PECAM1: variants seen among roughly 807,000 people sequenced by gnomAD.
PECAM1 encodes platelet endothelial cell adhesion molecule.
PECAM1 carries 8 observed loss-of-function variants against 13.8 expected under a neutral mutation model. The ratio of observed to expected loss-of-function variants is 0.58; its 90% CI spans 0.34 to 1.05. The LOEUF is 1.05. Among genes scored for constraint, PECAM1 ranks in the 50% least tolerant of loss-of-function variants. PECAM1 has a pLI of 0.03. For missense variants in PECAM1, 304 were observed against 141.2 expected (o/e 2.15, Z -5.84); for synonymous variants, 136 against 52.6 (o/e 2.58, Z -6.86).
chr17:64,375,992 G>A (rs1017599483), intron 3 of PECAM1, among the ~76,000 whole-genome samples: 18 of 152,050 alleles, frequency 1.2e-4, no homozygotes, highest in Admixed American at 2.0e-4. Flanking sequence ...TACACTGCTC[G>A]GGTGATGGGT....
intron 15 of PECAM1, 154 bp from the exon 16 acceptor site, chr17:64,323,999 T>C: frequency 1.2e-6 from 1 of 845,992 alleles, no homozygotes; most frequent in Admixed American, 1.7e-5. Flanking sequence ...GTTCTCTCTG[T>C]GACTTCAGAG....
chr17:64,333,080 G>A (rs2143695809), intron 14 of PECAM1, among the ~76,000 whole-genome samples: 1 of 152,312 alleles, frequency 6.6e-6, no homozygotes, highest in African/African-American at 2.4e-5. Context: ...TTGGACCCAG[G>A]AGGCGATTGT....
At position 64,365,069 on chromosome 17, in the gene PECAM1, A is replaced by C. The variant is rs2036072831; in HGVS notation, c.968-1672T>G. On this transcript the variant is annotated intron_variant, in intron 5 of 15. Transcript: ENST00000563924. ...AGATGACATGATTGGATATCTAGAA[A>C]ACCCCATTGTCTCAGCCCAAAATCT... 5.3e-5 allele frequency among the ~76,000 whole-genome samples: 8 copies of C among 151,934 alleles called. No homozygotes were observed. The South Asian group carries it at 1.7e-3, about 32-fold the overall frequency.
intron 5 of PECAM1, among the ~76,000 whole-genome samples, chr17:64,368,945 T>TTTTTTTC: frequency 8.5e-6 from 1 of 117,666 alleles, no homozygotes; most frequent in African/African-American, 3.2e-5. Flanking sequence ...TTTTTTTTTT[T>TTTTTTTC]TTTTTTTTTG....
chr17:64,362,081 C>T (rs2035995842), intron 6 of PECAM1, among the ~76,000 whole-genome samples: 1 of 152,186 alleles, frequency 6.6e-6, no homozygotes, highest in Non-Finnish European at 1.5e-5. Context: ...GTGACAGTGA[C>T]AACTTGACTG....
intron 2 of PECAM1, among the ~76,000 whole-genome samples, chr17:64,388,333 G>C (rs1431044048): frequency 2.0e-5 from 3 of 152,090 alleles, no homozygotes; most frequent in Non-Finnish European, 4.4e-5. Context: ...AGTGGACAAA[G>C]GGAGAGTGGG....
At chr17:64,336,459 T>C (rs2035278370) in intron 14 of PECAM1, among the ~76,000 whole-genome samples, 1 of 152,046 alleles carries the variant, frequency 6.6e-6, no homozygotes, top group Admixed American at 6.6e-5. Flanking sequence ...GGAGGGAATC[T>C]CTCTGATTTT....
intron 13 of PECAM1, among the ~76,000 whole-genome samples, chr17:64,344,709 C>G (rs1217273222): frequency 5.3e-5 from 8 of 152,110 alleles, no homozygotes; most frequent in Non-Finnish European, 1.0e-4. Flanking sequence ...ATACCTGGCT[C>G]TCCACCCACA....
intron 13 of PECAM1, among the ~76,000 whole-genome samples, chr17:64,345,211 T>A (rs2035532976): frequency 1.3e-5 from 2 of 151,916 alleles, no homozygotes; most frequent in Non-Finnish European, 2.9e-5. Flanking sequence ...GGCTCATGCT[T>A]GTAATCCCAG....
chr17:64,352,079 T>G (rs1461915765), intron 11 of PECAM1, among the ~76,000 whole-genome samples: 1 of 152,240 alleles, frequency 6.6e-6, no homozygotes, highest in Non-Finnish European at 1.5e-5. Flanking sequence ...CTGGTCTCTG[T>G]CTTGAAAATG....
intron 2 of PECAM1, 125 bp downstream of exon 2, chr17:64,390,364 G>A (rs1267128469): frequency 9.7e-6 from 4 of 412,302 alleles, no homozygotes; most frequent in Non-Finnish European, 1.8e-5. Flanking sequence ...GTTCTCAATT[G>A]GATTCTTTTC....
chr17:64,339,604 CA>C (rs2035374271), intron 14 of PECAM1, among the ~76,000 whole-genome samples: 3 of 151,758 alleles, frequency 2.0e-5, no homozygotes, highest in Admixed American at 6.6e-5. Context: ...TTACACTAGA[CA>C]AATAGAGAAC....
intron 14 of PECAM1, among the ~76,000 whole-genome samples, chr17:64,333,943 CAAAA>C (rs869179014): frequency 0.22 from 15,423 of 69,264 alleles, 1,199 homozygotes; most frequent in South Asian, 0.37. Context: ...GACCCTGTCT[CAAAA>C]AAAAAAAAAA....
intron 9 of PECAM1, among the ~76,000 whole-genome samples, chr17:64,354,164 A>C (rs2035797253): frequency 6.6e-6 from 1 of 150,872 alleles, no homozygotes; most frequent in Non-Finnish European, 1.5e-5. Flanking sequence ...CTAGTCTTGA[A>C]CTCCTGACCT....
chr17:64,341,204 C>G (rs2035419733), intron 14 of PECAM1, among the ~76,000 whole-genome samples: 1 of 151,016 alleles, frequency 6.6e-6, no homozygotes, highest in African/African-American at 2.4e-5. Context: ...GTGGAGGTTG[C>G]AGTGAGTCGA....
chr17:64,325,249 G>C (rs1368810334), intron 15 of PECAM1, among the ~76,000 whole-genome samples: 1 of 152,050 alleles, frequency 6.6e-6, no homozygotes, highest in Non-Finnish European at 1.5e-5. Flanking sequence ...TTAGCCGGGC[G>C]TGGTGGCGTG....
chr17:64,375,058 G>T lies in PECAM1; in HGVS notation c.684C>A (p.Thr228=). The T allele has an allele frequency of 4.2e-6, 2 of 475,212 alleles. No individual in the cohort carries two copies. Among genetic ancestry groups the T allele is most frequent in the South Asian group, 6.7e-5 (1 of 14,838 alleles). 29.4% of individuals were successfully genotyped at this position (475,212 alleles called of 1,614,324 possible). A position where few individuals can be genotyped will look rare whatever the true frequency, so the allele number is the denominator to read the frequency against. ...AGGGAGCAGGATGCTGACCCGTCAC[G>T]GTGACCAGTTCACTCTTGGTAGATT... is the stretch of plus-strand genomic sequence containing the variant. ...TSESTKSELV[T]VTESFSTPKF... The change falls in exon 4 of 16, where the codon ACC becomes ACA. Residue 228 remains threonine, a synonymous_variant. Coordinates refer to ENST00000563924, the MANE Select transcript of PECAM1 (RefSeq NM_000442.5).
At chr17:64,327,505 C>A (rs2034989237) in intron 15 of PECAM1, among the ~76,000 whole-genome samples, 1 of 152,206 alleles carries the variant, frequency 6.6e-6, no homozygotes, top group Non-Finnish European at 1.5e-5. Context: ...TGTAGCCCAG[C>A]TGCCTCCTGG....
At chr17:64,354,705 A>G (rs2035810291) in intron 9 of PECAM1, among the ~76,000 whole-genome samples, 1 of 152,198 alleles carries the variant, frequency 6.6e-6, no homozygotes, top group African/African-American at 2.4e-5. Context: ...ACCCCACTCT[A>G]CACGCATTAC....
Sources: gnomAD v4.1 joint callset for allele counts (sites outside exome capture counted in the v4.1 genomes callset) on GRCh38, gnomAD v4.1.1 for gene constraint, MANE v1.5 for transcripts, NCBI Gene and HGNC (gene_info 2026-07-23, HGNC 2026-07-21) for gene names.